The following RABGAP1 variants were observed in gnomAD, a reference collection of about 807,000 sequenced individuals.
The protein encoded by RABGAP1 is rab GTPase-activating protein 1.
A neutral mutation model predicts 137.6 loss-of-function variants in RABGAP1; 23 were observed. The ratio of observed to expected loss-of-function variants is 0.17; its 90% CI spans 0.12 to 0.24. RABGAP1 has a LOEUF of 0.24. Among genes scored for constraint, RABGAP1 ranks in the 10% least tolerant of loss-of-function variants. The pLI is 1.00. For synonymous variants in RABGAP1, 451 were observed against 450.7 expected (o/e 1.00, Z -0.01); for missense variants, 906 against 1,275.8 (o/e 0.71, Z 4.42).
At chr9:123,043,536 C>T (rs2033052746) in intron 13 of RABGAP1, among the ~76,000 whole-genome samples, 1 of 151,846 alleles carries the variant, frequency 6.6e-6, no homozygotes, top group South Asian at 2.1e-4. Flanking sequence ...AAGATCATGA[C>T]ATACTCTGAT....
chr9:123,103,250 G>T lies in RABGAP1; in HGVS notation c.*37G>T. 1 of 1,610,650 alleles carries T rather than the reference G, an allele frequency of 6.2e-7. No homozygotes were observed. The highest frequency in any genetic ancestry group is 8.5e-7 in the Non-Finnish European group (1 of 1,178,520). On this transcript the variant is annotated 3_prime_UTR_variant, in exon 26 of 26. Transcript: ENST00000373647. ...GCCTCCCGACACCTTCAGAAAACAC[G>T]ACACCTTTTGTTGCCTTCTTTGGCC...
intron 17 of RABGAP1, among the ~76,000 whole-genome samples, chr9:123,075,401 T>G (rs953941667): frequency 1.3e-5 from 2 of 152,242 alleles, no homozygotes; most frequent in African/African-American, 4.8e-5. Flanking sequence ...ACATCTGTAC[T>G]ATCCTTTTTA....
chr9:122,993,974 AT>A (rs1355390659), intron 6 of RABGAP1, among the ~76,000 whole-genome samples: 1 of 152,070 alleles, frequency 6.6e-6, no homozygotes, highest in Non-Finnish European at 1.5e-5. Context: ...TAAATTGAGC[AT>A]TTTCATTCAA....
rs375680589 is a variant in RABGAP1, at chr9:123,034,927, G to A, written c.1794+14468G>A. On this transcript the variant is annotated intron_variant, in intron 13 of 25. Transcript: ENST00000373647. ...GAAGAGCGTCTCCATGGCTTCTCTG[G>A]CCTGTATCAGCATTGATAGATACAT... The A allele has an allele frequency of 6.2e-6, 10 of 1,612,926 alleles. No homozygotes were observed. The African/African-American group carries it at 9.3e-5, about 15-fold the overall frequency.
upstream of RABGAP1, among the ~76,000 whole-genome samples, chr9:122,935,991 T>C (rs1441386587): frequency 6.6e-6 from 1 of 152,152 alleles, no homozygotes; most frequent in Non-Finnish European, 1.5e-5. Context: ...CTGAGGATTC[T>C]TTATTGGGTG....
At chr9:123,068,216 G>T (rs2034241070) in intron 14 of RABGAP1, among the ~76,000 whole-genome samples, 1 of 152,000 alleles carries the variant, frequency 6.6e-6, no homozygotes, top group South Asian at 2.1e-4. Flanking sequence ...TGGGCATGGT[G>T]GTGGGCATAT....
intron 13 of RABGAP1, among the ~76,000 whole-genome samples, chr9:123,047,934 T>TG: frequency 1.4e-5 from 1 of 73,540 alleles, no homozygotes; most frequent in Non-Finnish European, 2.2e-5. Context: ...TTTTTTTTTT[T>TG]TTTTTTTTTT....
At chr9:123,035,328 G>C in intron 13 of RABGAP1, 1 of 1,614,160 alleles carries the variant, frequency 6.2e-7, no homozygotes, top group African/African-American at 1.3e-5. Context: ...CCATGGTCCT[G>C]TTTCGAATCA....
intron 2 of RABGAP1, among the ~76,000 whole-genome samples, chr9:122,977,437 G>A (rs1034090277): frequency 7.9e-5 from 12 of 152,308 alleles, no homozygotes; most frequent in African/African-American, 2.6e-4. Context: ...TGGGTTCGGT[G>A]GCTCATGCCT....
At chr9:123,056,230 A>C (rs2033688037) in intron 13 of RABGAP1, among the ~76,000 whole-genome samples, 1 of 152,232 alleles carries the variant, frequency 6.6e-6, no homozygotes, top group Non-Finnish European at 1.5e-5. Flanking sequence ...TTAAATGTTG[A>C]CAGCAAATCA....
intron 11 of RABGAP1, among the ~76,000 whole-genome samples, chr9:123,011,007 CTTT>C (rs966578776): frequency 7.1e-6 from 1 of 141,490 alleles, no homozygotes; most frequent in Non-Finnish European, 1.5e-5. Flanking sequence ...TTCTTTGTTT[CTTT>C]TTTTTTTTTC....
intron 15 of RABGAP1, among the ~76,000 whole-genome samples, chr9:123,072,960 G>T (rs974373102): frequency 7.2e-5 from 11 of 152,150 alleles, no homozygotes; most frequent in African/African-American, 2.4e-4. Flanking sequence ...GAAAATGTAG[G>T]TATTATTATA....
intron 24 of RABGAP1, among the ~76,000 whole-genome samples, chr9:123,099,939 A>G (rs1198811430): frequency 6.6e-6 from 1 of 152,202 alleles, no homozygotes; most frequent in Non-Finnish European, 1.5e-5. Flanking sequence ...TTCTGAGTTC[A>G]TGCCTTCTGC....
At chr9:123,008,072 T>A (rs1588260646) in intron 10 of RABGAP1, among the ~76,000 whole-genome samples, 1 of 152,066 alleles carries the variant, frequency 6.6e-6, no homozygotes, top group East Asian at 1.9e-4. Flanking sequence ...TGTAAAATAG[T>A]ATAACGAATC....
chr9:123,020,211 G>A (rs967352452), intron 12 of RABGAP1, 98 bp from the exon 13 acceptor site: 76 of 1,090,406 alleles, frequency 7.0e-5, no homozygotes, highest in Non-Finnish European at 9.2e-5. Flanking sequence ...ACCTTGTCAC[G>A]TATTTGTAAG....
At chr9:122,942,495 C>T (rs1327342856) in intron 1 of RABGAP1, among the ~76,000 whole-genome samples, 1 of 151,756 alleles carries the variant, frequency 6.6e-6, no homozygotes, top group Non-Finnish European at 1.5e-5. Flanking sequence ...TATGGTGAAA[C>T]CAGGTCTCTA....
chr9:123,058,020 C>T (rs2033808009), intron 13 of RABGAP1, among the ~76,000 whole-genome samples: 1 of 148,334 alleles, frequency 6.7e-6, no homozygotes, highest in Non-Finnish European at 1.5e-5. Flanking sequence ...CCAGCCTCGG[C>T]TCGGCATCAG....
At chr9:123,039,396 A>G (rs2032839154) in intron 13 of RABGAP1, among the ~76,000 whole-genome samples, 1 of 152,176 alleles carries the variant, frequency 6.6e-6, no homozygotes, top group Non-Finnish European at 1.5e-5. Context: ...GACCTGGCTC[A>G]GAGCAGAAGT....
intron 6 of RABGAP1, among the ~76,000 whole-genome samples, chr9:122,991,627 A>C (rs1836728132): frequency 7.0e-6 from 1 of 143,456 alleles, no homozygotes; most frequent in Non-Finnish European, 1.5e-5. Flanking sequence ...TTTTTGAGAT[A>C]CGCCTCACGC....
Sources: allele counts gnomAD v4.1 joint callset (sites outside exome capture counted in the v4.1 genomes callset), GRCh38; gene constraint gnomAD v4.1.1; transcripts MANE v1.5; gene names NCBI Gene and HGNC (gene_info 2026-07-23, HGNC 2026-07-21).